Variants in CSMD1 observed in about 807,000 individuals in gnomAD.
The protein encoded by CSMD1 is CUB and sushi domain-containing protein 1.
In CSMD1, 213 loss-of-function variants were observed where a neutral mutation model predicts 417.5. The ratio of observed to expected loss-of-function variants is 0.51; its 90% CI spans 0.46 to 0.57. The LOEUF is 0.57. CSMD1 is among the 20% of genes least tolerant of loss of function. CSMD1 has a pLI of 0.00. For missense variants in CSMD1, 6,923 were observed against 4,529.7 expected, an observed-to-expected ratio of 1.53 and a Z score of -15.17; for synonymous variants, 2,862 against 1,736.8, an observed-to-expected ratio of 1.65 and a Z score of -16.11.
At chr8:3,281,000 C>A (rs1802694597) in intron 26 of CSMD1, among the ~76,000 whole-genome samples, 1 of 152,118 alleles carries the variant, frequency 6.6e-6, no homozygotes. Flanking sequence ...TACATTCTTT[C>A]CACATAATCC....
At chr8:3,732,496 A>C (rs1393907509) in intron 6 of CSMD1, among the ~76,000 whole-genome samples, 1 of 151,884 alleles carries the variant, frequency 6.6e-6, no homozygotes, top group African/African-American at 2.4e-5. Flanking sequence ...CCATAAGCTC[A>C]ATAGCTATAA....
intron 3 of CSMD1, among the ~76,000 whole-genome samples, chr8:4,379,428 G>A (rs1195281762): frequency 1.3e-5 from 2 of 152,170 alleles, no homozygotes; most frequent in Non-Finnish European, 2.9e-5. Context: ...TTCCAGTAAA[G>A]CCTGCAGTTT....
intron 1 of CSMD1, among the ~76,000 whole-genome samples, chr8:4,749,890 G>A (rs1012826268): frequency 2.4e-4 from 36 of 151,872 alleles, no homozygotes; most frequent in African/African-American, 6.8e-4. Context: ...TCAAAATCCC[G>A]GGTCTTGTTT....
At chr8:3,625,264 G>C (rs1796438208) in intron 7 of CSMD1, among the ~76,000 whole-genome samples, 1 of 152,126 alleles carries the variant, frequency 6.6e-6, no homozygotes, top group South Asian at 2.1e-4. Context: ...AGTTCACATA[G>C]AAGTAAGTTG....
chr8:3,551,862 C>A lies in CSMD1; in HGVS notation c.1344+23083G>T, dbSNP rs115595184. Among the ~76,000 whole-genome samples, 1,352 of 152,130 alleles carry A rather than the reference C, an allele frequency of 8.9e-3. 19 individuals are homozygous for A. Among genetic ancestry groups the A allele is most frequent in the African/African-American group, 0.03 (1,255 of 41,490 alleles). ...CTTTAGCTACTGAAAGATGAGGCTG[C>A]CACTGTGTCTTTAATGTGATCATGC... On this transcript the variant is annotated intron_variant, in intron 10 of 69. Coordinates refer to ENST00000635120, the MANE Select transcript of CSMD1 (RefSeq NM_033225.6).
chr8:4,072,160 T>C (rs191439910), intron 3 of CSMD1, among the ~76,000 whole-genome samples: 2 of 152,364 alleles, frequency 1.3e-5, no homozygotes, highest in Non-Finnish European at 2.9e-5. Context: ...TTTTCAACTT[T>C]CTAGTGCTAC....
intron 37 of CSMD1, among the ~76,000 whole-genome samples, chr8:3,166,951 A>G (rs1563103499): frequency 1.3e-5 from 2 of 152,198 alleles, no homozygotes; most frequent in Admixed American, 6.5e-5. Flanking sequence ...CATACCATAA[A>G]TGATAATATA....
chr8:3,341,176 G>A (rs1807618137), intron 23 of CSMD1, among the ~76,000 whole-genome samples: 1 of 152,078 alleles, frequency 6.6e-6, no homozygotes, highest in Admixed American at 6.6e-5. Flanking sequence ...GCCCACTGAC[G>A]CAAGCCTTCT....
At position 4,871,813 on chromosome 8, in the gene CSMD1, A is replaced by C. The variant is rs569857412; in HGVS notation, c.85+122519T>G. Among the ~76,000 whole-genome samples, 5 of 152,226 alleles carry C rather than the reference A, an allele frequency of 3.3e-5. No individual in the cohort carries two copies. The South Asian group carries it at 1.0e-3, about 32-fold the overall frequency. ...TTGTACACTTTTGAAAAACCTTTCC[A>C]GTAACATCAGAGGACAGGCAGGTTC... On this transcript the variant is annotated intron_variant, in intron 1 of 69. Coordinates refer to ENST00000635120, the MANE Select transcript of CSMD1 (RefSeq NM_033225.6).
intron 65 of CSMD1, among the ~76,000 whole-genome samples, chr8:2,952,678 T>C (rs1802714667): frequency 6.9e-6 from 1 of 145,124 alleles, no homozygotes; most frequent in South Asian, 2.2e-4. Context: ...GCCTTTAAAG[T>C]ACATAAAAAA....
At chr8:4,146,714 C>T (rs190651644) in intron 3 of CSMD1, among the ~76,000 whole-genome samples, 1 of 143,888 alleles carries the variant, frequency 6.9e-6, no homozygotes, top group African/African-American at 2.7e-5. Context: ...CGAGTTCACG[C>T]CATTCTCCTG....
chr8:4,176,296 G>A (rs1238216072), intron 3 of CSMD1, among the ~76,000 whole-genome samples: 1 of 152,074 alleles, frequency 6.6e-6, no homozygotes. Context: ...TCTATAGCAA[G>A]TGTCCATCTT....
chr8:3,904,458 AG>A (rs1807973373), intron 5 of CSMD1, among the ~76,000 whole-genome samples: 1 of 152,194 alleles, frequency 6.6e-6, no homozygotes, highest in Non-Finnish European at 1.5e-5. Flanking sequence ...CAGAGATTTC[AG>A]TAAATGCACA....
At chr8:3,192,328 G>A (rs7016896) in intron 33 of CSMD1, among the ~76,000 whole-genome samples, 141,799 of 152,256 alleles carry the variant, frequency 0.93, 66,123 homozygotes, top group Non-Finnish European at 0.95. Flanking sequence ...ATTCTTGTAG[G>A]TGTTGGAATA....
Position 3,456,247 on chromosome 8 carries a change from G to A in CSMD1, c.1561+12465C>T, listed in dbSNP as rs35872231. On this transcript the variant is annotated intron_variant, in intron 12 of 69. Transcript: ENST00000635120. ...GACTAGGAAAGGGAATTCCCTGACC[G>A]CTTGCTCTTCATAGGTGGGGCGATG... Among the ~76,000 whole-genome samples the A allele has an allele frequency of 4.6e-5, 7 of 152,010 alleles. No homozygotes were observed. The South Asian group carries it at 6.2e-4, about 14-fold the overall frequency.
intron 54 of CSMD1, among the ~76,000 whole-genome samples, chr8:2,986,098 C>T (rs1805883099): frequency 6.6e-6 from 1 of 151,998 alleles, no homozygotes; most frequent in Admixed American, 6.5e-5. Context: ...AACCAGGTTA[C>T]AGCTATAGTT....
intron 2 of CSMD1, among the ~76,000 whole-genome samples, chr8:4,603,148 T>C (rs2130769968): frequency 6.6e-6 from 1 of 152,138 alleles, no homozygotes; most frequent in African/African-American, 2.4e-5. Flanking sequence ...CATAGCTATA[T>C]TAATTACTTT....
chr8:3,708,140 A>G (rs1801284107), intron 7 of CSMD1, among the ~76,000 whole-genome samples: 1 of 152,184 alleles, frequency 6.6e-6, no homozygotes, highest in African/African-American at 2.4e-5. Context: ...TGACCGTGTC[A>G]CATATACTTA....
chr8:3,403,186 C>G (rs550471644), intron 15 of CSMD1, among the ~76,000 whole-genome samples: 3 of 152,234 alleles, frequency 2.0e-5, no homozygotes, highest in South Asian at 2.1e-4. Context: ...TTGATTTAAA[C>G]AAAACACTTT....
Sources: allele counts gnomAD v4.1 joint callset (sites outside exome capture counted in the v4.1 genomes callset), GRCh38; gene constraint gnomAD v4.1.1; transcripts MANE v1.5; gene names NCBI Gene and HGNC (gene_info 2026-07-23, HGNC 2026-07-21).